Variants in MBNL1 observed in about 807,000 individuals in gnomAD.
MBNL1 encodes the protein muscleblind like splicing regulator 1, also known as muscleblind-like protein 1.
Under a neutral mutation model 42.2 loss-of-function variants are expected in MBNL1, and 8 were observed. That is an observed-to-expected ratio of 0.19 (90% CI 0.11 to 0.34). The LOEUF is 0.34. Ranked by LOEUF, MBNL1 falls within the 10% of genes least tolerant of loss-of-function variation. MBNL1 has a pLI of 1.00. For synonymous variants in MBNL1, 169 were observed against 173.9 expected, an observed-to-expected ratio of 0.97 and a Z score of 0.22; for missense variants, 309 against 495.3, an observed-to-expected ratio of 0.62 and a Z score of 3.57.
At chr3:152,303,009 G>T (rs1356611971) in intron 2 of MBNL1, among the ~76,000 whole-genome samples, 1 of 122,956 alleles carries the variant, frequency 8.1e-6, no homozygotes, top group African/African-American at 3.1e-5. Context: ...TAGAAGAGGA[G>T]AATTTATTTC....
intron 3 of MBNL1, among the ~76,000 whole-genome samples, chr3:152,417,467 A>G (rs918131026): frequency 9.9e-5 from 15 of 152,190 alleles, no homozygotes; most frequent in African/African-American, 3.6e-4. Context: ...GCAGTTCCAT[A>G]CCATCAGCAG....
intron 2 of MBNL1, among the ~76,000 whole-genome samples, chr3:152,332,637 C>A (rs1046609883): frequency 6.6e-6 from 1 of 150,988 alleles, no homozygotes; most frequent in Admixed American, 6.6e-5. Context: ...TAAATTCTGA[C>A]AGAGGGGAGG....
At chr3:152,276,650 A>G (rs2045381637) in intron 1 of MBNL1, among the ~76,000 whole-genome samples, 1 of 152,106 alleles carries the variant, frequency 6.6e-6, no homozygotes, top group Admixed American at 6.5e-5. Flanking sequence ...AGGGGTGGGA[A>G]GCATTAATAG....
At chr3:152,370,836 T>C (rs114139545) in intron 2 of MBNL1, among the ~76,000 whole-genome samples, 1,940 of 152,112 alleles carry the variant, frequency 0.013, 21 homozygotes, top group South Asian at 0.022. Context: ...ACCCCTGCTT[T>C]TTTTTTTTTC....
intron 2 of MBNL1, among the ~76,000 whole-genome samples, chr3:152,316,217 C>T (rs183031642): frequency 1.3e-5 from 2 of 152,302 alleles, no homozygotes; most frequent in Admixed American, 1.3e-4. Context: ...ACAATTATGA[C>T]TGCCTTTTAA....
chr3:152,458,270 G>C, intron 8 of MBNL1: 1 of 1,279,598 alleles, frequency 7.8e-7, no homozygotes, highest in South Asian at 1.2e-5. Context: ...AAAAATGTCA[G>C]CTGAGAACTG....
intron 1 of MBNL1, among the ~76,000 whole-genome samples, chr3:152,276,210 A>G (rs2045089692): frequency 6.6e-6 from 1 of 152,146 alleles, no homozygotes; most frequent in Admixed American, 6.5e-5. Context: ...GATTATATAT[A>G]AAGAATAGCG....
At chr3:152,378,445 A>G (rs969461470) in intron 2 of MBNL1, among the ~76,000 whole-genome samples, 4 of 152,176 alleles carry the variant, frequency 2.6e-5, no homozygotes, top group Non-Finnish European at 5.9e-5. Flanking sequence ...AACGGGTACA[A>G]TATAATGCAA....
chr3:152,338,223 T>G, intron 2 of MBNL1: 1 of 985,438 alleles, frequency 1.0e-6, no homozygotes, highest in Non-Finnish European at 1.2e-6. Flanking sequence ...GCTTCTTGTG[T>G]TCTGGCGGGA....
At chr3:152,370,882 T>A (rs2096631274) in intron 2 of MBNL1, among the ~76,000 whole-genome samples, 1 of 152,114 alleles carries the variant, frequency 6.6e-6, no homozygotes, top group Non-Finnish European at 1.5e-5. Context: ...ATTTTGAGCC[T>A]ATGTGTGTCT....
chr3:152,251,062 C>T (rs2034447451), intron 2 of MBNL1, among the ~76,000 whole-genome samples: 1 of 152,060 alleles, frequency 6.6e-6, no homozygotes, highest in Non-Finnish European at 1.5e-5. Context: ...TGTAATCCAG[C>T]ATATAAACAG....
intron 3 of MBNL1, among the ~76,000 whole-genome samples, chr3:152,430,968 A>G (rs957830572): frequency 7.2e-5 from 11 of 152,240 alleles, no homozygotes; most frequent in Non-Finnish European, 1.3e-4. Flanking sequence ...TTGAAATGGT[A>G]TAATCTATAT....
intron 7 of MBNL1, 119 bp downstream of exon 7, chr3:152,455,696 C>A (rs1216645036): frequency 3.1e-5 from 26 of 845,396 alleles, no homozygotes; most frequent in Non-Finnish European, 4.7e-5. Flanking sequence ...CTTTTACTAA[C>A]ACTTGTCAAT....
rs138130457 is a variant in MBNL1 at position 152,324,818 on chromosome 3, G to A, written c.174+24451G>A. Among the ~76,000 whole-genome samples the A allele has an allele frequency of 4.3e-4, 65 of 152,122 alleles. No homozygotes were observed. In the South Asian group the frequency reaches 5.8e-3, roughly 14 times the overall value. On this transcript the variant is annotated intron_variant, in intron 2 of 9. Transcript: ENST00000324210. ...AAGACGGGGATGATAATAATAGCAC[G>A]TACCTTGGGATTGATGTGAGGTTGA... is the stretch of plus-strand genomic sequence containing the variant.
chr3:152,387,795 A>G, intron 2 of MBNL1, among the ~76,000 whole-genome samples: 1 of 152,090 alleles, frequency 6.6e-6, no homozygotes. Context: ...AATTGTGTGT[A>G]TATATATTTA....
At chr3:152,273,991 T>C (rs2043400554) in intron 1 of MBNL1, among the ~76,000 whole-genome samples, 1 of 152,202 alleles carries the variant, frequency 6.6e-6, no homozygotes, top group Non-Finnish European at 1.5e-5. Flanking sequence ...TTAAGAAGAA[T>C]TGTGGTAAAT....
intron 2 of MBNL1, among the ~76,000 whole-genome samples, chr3:152,369,425 G>T (rs1031402586): frequency 2.0e-5 from 3 of 152,100 alleles, no homozygotes; most frequent in African/African-American, 7.2e-5. Flanking sequence ...ATGGTATTGA[G>T]GATATTCACA....
At chr3:152,313,833 A>G (rs1372454776) in intron 2 of MBNL1, among the ~76,000 whole-genome samples, 1 of 152,254 alleles carries the variant, frequency 6.6e-6, no homozygotes, top group African/African-American at 2.4e-5. Flanking sequence ...TAACATATGT[A>G]TGACTTGACT....
chr3:152,419,941 T>G (rs2098774491), intron 3 of MBNL1, among the ~76,000 whole-genome samples: 3 of 152,032 alleles, frequency 2.0e-5, no homozygotes, highest in Admixed American at 2.0e-4. Context: ...CCACCATAAT[T>G]GAGGCTTGAG....
Sources: allele counts gnomAD v4.1 joint callset (sites outside exome capture counted in the v4.1 genomes callset), GRCh38; gene constraint gnomAD v4.1.1; transcripts MANE v1.5; gene names NCBI Gene and HGNC (gene_info 2026-07-23, HGNC 2026-07-21).